FRAS1: variants seen among roughly 807,000 people sequenced by gnomAD.
FRAS1 encodes the protein extracellular matrix organizing protein FRAS1.
A neutral mutation model predicts 435.2 loss-of-function variants in FRAS1; 290 were observed. The observed-to-expected ratio is 0.67, with a 90% CI of 0.61 to 0.73. FRAS1 has a LOEUF of 0.73. Ranked by LOEUF, FRAS1 falls within the 30% of genes least tolerant of loss-of-function variation. The pLI is 0.00. For missense variants in FRAS1, 4,860 were observed against 5,001.5 expected (o/e 0.97, Z 0.85); for synonymous variants, 1,800 against 1,851.0 (o/e 0.97, Z 0.71).
chr4:78,123,844 T>C (rs1331503232), intron 2 of FRAS1, among the ~76,000 whole-genome samples: 1 of 152,232 alleles, frequency 6.6e-6, no homozygotes, highest in African/African-American at 2.4e-5. Flanking sequence ...TGATATTTGC[T>C]GAAGCTGCTT....
At chr4:78,177,964 A>G (rs1180108228) in intron 2 of FRAS1, among the ~76,000 whole-genome samples, 1 of 152,190 alleles carries the variant, frequency 6.6e-6, no homozygotes, top group African/African-American at 2.4e-5. Flanking sequence ...TAAAAAAATT[A>G]GAAAGTTATT....
intron 2 of FRAS1, among the ~76,000 whole-genome samples, chr4:78,119,895 T>C (rs1718913317): frequency 6.6e-6 from 1 of 152,130 alleles, no homozygotes; most frequent in South Asian, 2.1e-4. Context: ...TGTAATTGGG[T>C]GGTTCAGATT....
intron 22 of FRAS1, among the ~76,000 whole-genome samples, chr4:78,367,459 G>GT (rs35520393): frequency 5.3e-5 from 8 of 151,720 alleles, no homozygotes; most frequent in East Asian, 3.9e-4. Flanking sequence ...GTGGAAGTAA[G>GT]TCATAAGAAA....
chr4:78,176,747 G>A (rs779780128), intron 2 of FRAS1, among the ~76,000 whole-genome samples: 1 of 152,206 alleles, frequency 6.6e-6, no homozygotes, highest in Non-Finnish European at 1.5e-5. Context: ...AATGTGTTGA[G>A]TAGAAGTTTA....
intron 2 of FRAS1, among the ~76,000 whole-genome samples, chr4:78,104,822 C>T (rs1742308085): frequency 6.6e-6 from 1 of 152,080 alleles, no homozygotes; most frequent in Admixed American, 6.6e-5. Context: ...TAGAATTGTA[C>T]CCTTATTCTG....
At chr4:78,169,423 T>G (rs1402880144) in intron 2 of FRAS1, among the ~76,000 whole-genome samples, 4 of 152,078 alleles carry the variant, frequency 2.6e-5, no homozygotes, top group Non-Finnish European at 5.9e-5. Flanking sequence ...GCTTACCTGG[T>G]GTCGCCTTTG....
chr4:78,278,325 T>A (rs1727160324), intron 9 of FRAS1, among the ~76,000 whole-genome samples: 1 of 152,246 alleles, frequency 6.6e-6, no homozygotes, highest in African/African-American at 2.4e-5. Flanking sequence ...TGTGATCCTT[T>A]TCTGAAACTC....
At chr4:78,126,571 G>A (rs1303591596) in intron 2 of FRAS1, among the ~76,000 whole-genome samples, 1 of 152,198 alleles carries the variant, frequency 6.6e-6, no homozygotes, top group African/African-American at 2.4e-5. Flanking sequence ...AGAATATTAA[G>A]TGTATGGTAC....
chr4:78,458,899 G>A (rs1184750011), intron 47 of FRAS1, among the ~76,000 whole-genome samples: 2 of 152,140 alleles, frequency 1.3e-5, no homozygotes, highest in African/African-American at 4.8e-5. Flanking sequence ...TGGCCTATGT[G>A]ACTCATATAG....
intron 18 of FRAS1, among the ~76,000 whole-genome samples, chr4:78,329,778 T>C (rs1729869728): frequency 1.3e-5 from 2 of 152,334 alleles, no homozygotes; most frequent in Middle Eastern, 6.8e-3. Flanking sequence ...CATAACTAAA[T>C]TAAAGAAACA....
At chr4:78,441,453 C>T (rs561627921) in intron 41 of FRAS1, among the ~76,000 whole-genome samples, 156 bp downstream of exon 41, 3 of 152,248 alleles carry the variant, frequency 2.0e-5, no homozygotes, top group African/African-American at 7.2e-5. Flanking sequence ...ATTCATTCAA[C>T]AAAAATTTAA....
At chr4:78,111,843 C>T (rs1035545716) in intron 2 of FRAS1, among the ~76,000 whole-genome samples, 8 of 148,736 alleles carry the variant, frequency 5.4e-5, no homozygotes, top group Admixed American at 1.3e-4. Context: ...AAAGAAAAAA[C>T]GTAGAAAATA....
intron 29 of FRAS1, among the ~76,000 whole-genome samples, chr4:78,394,289 G>C (rs1732564953): frequency 6.6e-6 from 1 of 151,840 alleles, no homozygotes; most frequent in Non-Finnish European, 1.5e-5. Context: ...TAGTTGCCAA[G>C]ACCTATATCA....
intron 2 of FRAS1, among the ~76,000 whole-genome samples, chr4:78,087,813 G>A (rs562864372): frequency 6.6e-6 from 1 of 152,194 alleles, no homozygotes; most frequent in South Asian, 2.1e-4. Context: ...ATGCTCATGG[G>A]TAGGAAGAAT....
intron 14 of FRAS1, among the ~76,000 whole-genome samples, chr4:78,299,807 A>T (rs537288561): frequency 2.6e-4 from 40 of 152,310 alleles, no homozygotes; most frequent in African/African-American, 8.7e-4. Context: ...CTTTCCATTC[A>T]TCATTTCCTT....
chr4:78,273,522 A>G (rs1560618971), intron 9 of FRAS1, among the ~76,000 whole-genome samples: 1 of 152,232 alleles, frequency 6.6e-6, no homozygotes. Context: ...TTTTAGCATG[A>G]AGGGCTGTTG....
At chr4:78,483,798 AAAAT>A (rs1560753036) in intron 58 of FRAS1, among the ~76,000 whole-genome samples, 41 of 70,830 alleles carry the variant, frequency 5.8e-4, no homozygotes, top group East Asian at 3.9e-3. Flanking sequence ...ATATATATAT[AAAAT>A]TATGTATGTG....
intron 26 of FRAS1, among the ~76,000 whole-genome samples, chr4:78,378,768 C>T (rs1731886553): frequency 6.6e-6 from 1 of 152,056 alleles, no homozygotes; most frequent in Non-Finnish European, 1.5e-5. Flanking sequence ...ATATTCTTGA[C>T]ACAAGTCCCT....
At chr4:78,169,608 A>G (rs1721469244) in intron 2 of FRAS1, among the ~76,000 whole-genome samples, 1 of 152,172 alleles carries the variant, frequency 6.6e-6, no homozygotes, top group Non-Finnish European at 1.5e-5. Flanking sequence ...TTTTATTATT[A>G]TCAAGCCCTC....
Sources: gnomAD v4.1 joint callset for allele counts (sites outside exome capture counted in the v4.1 genomes callset) on GRCh38, gnomAD v4.1.1 for gene constraint, MANE v1.5 for transcripts, NCBI Gene and HGNC (gene_info 2026-07-23, HGNC 2026-07-21) for gene names.